ZNF423: variants seen among roughly 807,000 people sequenced by gnomAD.
The protein encoded by ZNF423 is Ebf-associated zinc finger protein.
ZNF423 carries 12 observed loss-of-function variants against 95.8 expected under a neutral mutation model. That is an observed-to-expected ratio of 0.13 (90% confidence interval 0.08 to 0.20). The LOEUF is 0.20. Among genes scored for constraint, ZNF423 ranks in the 10% least tolerant of loss-of-function variants. The probability of loss-of-function intolerance (pLI) is 1.00; values close to 1 mark genes in which losing one functional copy is unlikely to be tolerated. For missense variants in ZNF423, 1,316 were observed against 1,737.1 expected (o/e 0.76, Z 4.31); for synonymous variants, 749 against 711.9 (o/e 1.05, Z -0.83).
At chr16:49,521,577 A>G (rs1053619133) in intron 7 of ZNF423, among the ~76,000 whole-genome samples, 7 of 152,216 alleles carry the variant, frequency 4.6e-5, no homozygotes, top group African/African-American at 1.7e-4. Context: ...CAGCAGTGGC[A>G]TGGTAAGGGT....
At chr16:49,640,865 G>C (rs559329544) in intron 3 of ZNF423, 1 of 152,472 alleles carries the variant, frequency 6.6e-6, no homozygotes, top group South Asian at 2.1e-4. Flanking sequence ...AGCAGTCGTG[G>C]CCAGCTCCCC....
intron 5 of ZNF423, among the ~76,000 whole-genome samples, chr16:49,590,290 C>T (rs1970971166): frequency 6.6e-6 from 1 of 151,960 alleles, no homozygotes; most frequent in Admixed American, 6.5e-5. Flanking sequence ...CCTCCTGACC[C>T]GGGCATGCTG....
chr16:49,771,218 G>A (rs1319476096), intron 2 of ZNF423, among the ~76,000 whole-genome samples: 1 of 126,548 alleles, frequency 7.9e-6, no homozygotes, highest in Non-Finnish European at 1.6e-5. Context: ...TTTTTGAGAA[G>A]GAGTCTCACT....
At chr16:49,671,268 C>T (rs977706333) in intron 3 of ZNF423, among the ~76,000 whole-genome samples, 30 of 152,156 alleles carry the variant, frequency 2.0e-4, no homozygotes, top group African/African-American at 5.8e-4. Flanking sequence ...GGGTAAGGGA[C>T]GAGGTGTGAA....
chr16:49,720,921 G>A (rs557670375), intron 3 of ZNF423, among the ~76,000 whole-genome samples: 9 of 152,202 alleles, frequency 5.9e-5, no homozygotes, highest in African/African-American at 9.7e-5. Context: ...CATCATGGGC[G>A]GGGGTGAGTC....
chr16:49,770,730 T>C (rs2034018004), intron 2 of ZNF423, among the ~76,000 whole-genome samples: 1 of 151,990 alleles, frequency 6.6e-6, no homozygotes, highest in Non-Finnish European at 1.5e-5. Flanking sequence ...AAGGACAAAG[T>C]GCGGGCCTAC....
intron 7 of ZNF423, among the ~76,000 whole-genome samples, chr16:49,511,406 G>A (rs928757091): frequency 1.3e-5 from 2 of 152,190 alleles, no homozygotes; most frequent in African/African-American, 2.4e-5. Context: ...CGCAGGCTGC[G>A]AACACAGGCA....
intron 5 of ZNF423, among the ~76,000 whole-genome samples, chr16:49,590,728 A>G (rs1260861662): frequency 6.6e-6 from 1 of 152,146 alleles, no homozygotes; most frequent in Non-Finnish European, 1.5e-5. Context: ...CTGCTCACAG[A>G]ACCAGGGGCC....
At chr16:49,593,448 T>A (rs548087956) in intron 5 of ZNF423, among the ~76,000 whole-genome samples, 5 of 151,020 alleles carry the variant, frequency 3.3e-5, no homozygotes, top group South Asian at 2.1e-4. Context: ...AAAAAAAAAA[T>A]TTCTCTGCCA....
At chr16:49,827,181 C>T (rs1407672572) in intron 1 of ZNF423, among the ~76,000 whole-genome samples, 1 of 152,164 alleles carries the variant, frequency 6.6e-6, no homozygotes, top group East Asian at 1.9e-4. Context: ...CCAGGTCAGC[C>T]ATCTGACCTC....
chr16:49,523,054 G>C (rs1968463024), intron 7 of ZNF423, among the ~76,000 whole-genome samples: 1 of 152,176 alleles, frequency 6.6e-6, no homozygotes, highest in African/African-American at 2.4e-5. Context: ...GGTCCTCTCA[G>C]TTACCACAGG....
intron 5 of ZNF423, among the ~76,000 whole-genome samples, chr16:49,607,644 A>G (rs1352929522): frequency 1.3e-5 from 2 of 152,246 alleles, no homozygotes; most frequent in Non-Finnish European, 2.9e-5. Context: ...CTGTATCTTA[A>G]TAGGCCCATA....
In ZNF423 at chr16:49,699,096, C is replaced by G. The variant is rs6500243; in HGVS notation, c.301+31675G>C. 1.1e-4 allele frequency among the ~76,000 whole-genome samples: 16 copies of G among 152,234 alleles called. No homozygotes were observed. The South Asian group carries it at 3.3e-3, about 32-fold the overall frequency. On this transcript the variant is annotated intron_variant, in intron 3 of 7. Transcript: ENST00000563137. Reference sequence around the variant, plus strand: ...TAGTATCCAGCCGAAAACACAATCACCTCCTCTGCCAAGGAGCCGACAGGC... The same window carrying G: ...TAGTATCCAGCCGAAAACACAATCAGCTCCTCTGCCAAGGAGCCGACAGGC...
At chr16:49,717,489 G>C (rs2032742283) in intron 3 of ZNF423, among the ~76,000 whole-genome samples, 1 of 152,184 alleles carries the variant, frequency 6.6e-6, no homozygotes, top group African/African-American at 2.4e-5. Context: ...GATTTCCTCT[G>C]GGGAAACTTT....
rs144778744 is a variant in ZNF423 at position 49,736,888 on chromosome 16, C to T, written c.101-5917G>A. On this transcript the variant is annotated intron_variant, in intron 2 of 7. Coordinates refer to ENST00000563137, the MANE Select transcript of ZNF423 (RefSeq NM_001379286.1). ...AGATGATGACGTTGAGAGCAGACAG[C>T]GGACCCTGCAGAAACGCTGTGCAGC... Among the ~76,000 whole-genome samples, 155 of 152,308 alleles carry T rather than the reference C, an allele frequency of 1.0e-3. 2 individuals are homozygous for T. Among genetic ancestry groups the T allele is most frequent in the African/African-American group, 3.6e-3 (151 of 41,558 alleles).
chr16:49,717,533 T>C (rs1452260376), intron 3 of ZNF423, among the ~76,000 whole-genome samples: 1 of 152,250 alleles, frequency 6.6e-6, no homozygotes, highest in South Asian at 2.1e-4. Flanking sequence ...TGACTTGACC[T>C]GAGCCAAAAG....
rs762110313 is a variant in ZNF423, at chr16:49,730,799, C to T, written c.273G>A (p.Thr91=). ...CAGGACAGCGGTGGGCCCGGTGGTC[C>T]GTCAGGTCTGCCAGAGACTCGAAGT... The part of the protein sequence containing the change: ...QQDFESLADL[T]DHRAHRCPGD... The change falls in exon 3 of 8, where the codon ACG becomes ACA. Residue 91 remains threonine, a synonymous_variant. Transcript: ENST00000563137. 17 of 1,614,002 alleles carry T rather than the reference C, an allele frequency of 1.1e-5. No homozygotes were observed. Among genetic ancestry groups the T allele is most frequent in the Middle Eastern group, 1.6e-4 (1 of 6,084 alleles).
chr16:49,620,420 C>T (rs1351642631), intron 5 of ZNF423, among the ~76,000 whole-genome samples: 1 of 152,146 alleles, frequency 6.6e-6, no homozygotes, highest in Non-Finnish European at 1.5e-5. Context: ...CCACTTCCTC[C>T]CCCATGTATT....
At chr16:49,739,455 C>T (rs565669796) in intron 2 of ZNF423, among the ~76,000 whole-genome samples, 1 of 152,102 alleles carries the variant, frequency 6.6e-6, no homozygotes, top group Non-Finnish European at 1.5e-5. Flanking sequence ...AAAATCCACT[C>T]CATCAGGAGA....
Sources: gnomAD v4.1 joint callset for allele counts (sites outside exome capture counted in the v4.1 genomes callset) on GRCh38, gnomAD v4.1.1 for gene constraint, MANE v1.5 for transcripts, NCBI Gene and HGNC (gene_info 2026-07-23, HGNC 2026-07-21) for gene names.